DLG2: variants seen among roughly 807,000 people sequenced by gnomAD.
DLG2 encodes the protein discs large MAGUK scaffold protein 2.
Under a neutral mutation model 132.5 loss-of-function variants are expected in DLG2, and 45 were observed. The observed-to-expected ratio is 0.34, with a 90% CI of 0.27 to 0.44. The LOEUF is 0.44. Ranked by LOEUF, DLG2 falls within the 20% of genes least tolerant of loss-of-function variation. DLG2 has a pLI of 1.00. For missense variants in DLG2, 1,045 were observed against 1,196.9 expected, an observed-to-expected ratio of 0.87 and a Z score of 1.87; for synonymous variants, 424 against 419.6, an observed-to-expected ratio of 1.01 and a Z score of -0.13.
At chr11:84,433,732 A>G (rs1409148128) in intron 7 of DLG2, among the ~76,000 whole-genome samples, 1 of 152,224 alleles carries the variant, frequency 6.6e-6, no homozygotes, top group Non-Finnish European at 1.5e-5. Flanking sequence ...CTTTTTGATT[A>G]AAGACATTTT....
At chr11:85,392,912 T>A (rs1431926537) in intron 3 of DLG2, among the ~76,000 whole-genome samples, 2 of 152,132 alleles carry the variant, frequency 1.3e-5, no homozygotes, top group Admixed American at 6.6e-5. Context: ...AGACATTGAC[T>A]TAGGCAAAGA....
intron 7 of DLG2, among the ~76,000 whole-genome samples, chr11:84,516,232 G>C (rs2099272596): frequency 6.6e-6 from 1 of 151,292 alleles, no homozygotes; most frequent in Admixed American, 6.6e-5. Flanking sequence ...AAAGATTAGA[G>C]TAGAAATAAA....
chr11:83,691,463 C>T (rs770618070), intron 18 of DLG2, among the ~76,000 whole-genome samples: 1 of 152,200 alleles, frequency 6.6e-6, no homozygotes, highest in Non-Finnish European at 1.5e-5. Flanking sequence ...CTCAAATACA[C>T]ACTTGGCCCC....
At chr11:84,545,479 C>T in intron 6 of DLG2, 1 of 417,524 alleles carries the variant, frequency 2.4e-6, no homozygotes, top group South Asian at 1.9e-5. Context: ...CAACCACCAC[C>T]AAAGCATCCA....
At chr11:83,976,659 C>T (rs867714779) in intron 12 of DLG2, among the ~76,000 whole-genome samples, 20 of 151,954 alleles carry the variant, frequency 1.3e-4, no homozygotes, top group Admixed American at 2.6e-4. Context: ...GAATCATTTT[C>T]TTTCATTTCC....
intron 6 of DLG2, among the ~76,000 whole-genome samples, chr11:85,019,296 G>A (rs1263747387): frequency 6.6e-6 from 1 of 152,124 alleles, no homozygotes; most frequent in Non-Finnish European, 1.5e-5. Flanking sequence ...GTGAAAATGG[G>A]ACTAGGCGCA....
At chr11:85,374,677 G>T (rs2085263108) in intron 3 of DLG2, among the ~76,000 whole-genome samples, 1 of 152,070 alleles carries the variant, frequency 6.6e-6, no homozygotes, top group South Asian at 2.1e-4. Flanking sequence ...CTTTACTACA[G>T]CAATAAAAGA....
At chr11:83,958,219 G>C (rs1368404748) in intron 14 of DLG2, among the ~76,000 whole-genome samples, 2 of 152,176 alleles carry the variant, frequency 1.3e-5, no homozygotes, top group East Asian at 1.9e-4. Flanking sequence ...TAGTAAGCTA[G>C]TGTTCTATAA....
chr11:85,582,541 A>T lies in DLG2; in HGVS notation c.40+16116T>A, dbSNP rs150851699. On this transcript the variant is annotated intron_variant, in intron 3 of 27. Coordinates refer to ENST00000376104, the MANE Select transcript of DLG2 (RefSeq NM_001142699.3). The stretch of plus-strand genomic sequence containing the variant: ...AAAATCATGTAGAATATTAGTGTCC[A>T]GGCTGGGCACGGTGGCTTATTCCTA... Among the ~76,000 whole-genome samples the T allele has an allele frequency of 5.2e-3, 792 of 151,502 alleles. 6 individuals are homozygous for T. The highest frequency in any genetic ancestry group is 0.018 in the African/African-American group (735 of 41,332).
intron 6 of DLG2, among the ~76,000 whole-genome samples, chr11:84,574,483 T>A (rs1319129926): frequency 6.6e-6 from 1 of 152,172 alleles, no homozygotes; most frequent in Non-Finnish European, 1.5e-5. Flanking sequence ...ATTTCACTAT[T>A]TGGGATCTTG....
At chr11:83,823,323 T>C (rs1275614502) in intron 17 of DLG2, among the ~76,000 whole-genome samples, 1 of 152,130 alleles carries the variant, frequency 6.6e-6, no homozygotes, top group Non-Finnish European at 1.5e-5. Context: ...CTTTGAAACT[T>C]GTATAGGAAG....
At chr11:85,134,016 AAGGGAGAATGAGGGAGAGTG>A (rs2152416875) in intron 5 of DLG2, among the ~76,000 whole-genome samples, 1 of 151,740 alleles carries the variant, frequency 6.6e-6, no homozygotes, top group East Asian at 1.9e-4. Flanking sequence ...AGGGGGTGGG[AAGGGAGAATGAGGGAGAGTG>A]AGGGAGAGTG....
chr11:84,476,707 G>C (rs2099122577), intron 7 of DLG2, among the ~76,000 whole-genome samples: 2 of 152,188 alleles, frequency 1.3e-5, no homozygotes, highest in African/African-American at 4.8e-5. Context: ...TATGTTGTGA[G>C]AAGTCCAGGC....
At chr11:83,818,316 G>GA (rs762562663) in intron 17 of DLG2, among the ~76,000 whole-genome samples, 1 of 152,120 alleles carries the variant, frequency 6.6e-6, no homozygotes, top group African/African-American at 2.4e-5. Flanking sequence ...GTGGCCTGAT[G>GA]AAAAAATCGT....
intron 7 of DLG2, among the ~76,000 whole-genome samples, chr11:84,361,802 T>C (rs915694357): frequency 1.3e-5 from 2 of 152,002 alleles, no homozygotes; most frequent in Non-Finnish European, 2.9e-5. Flanking sequence ...AAGCATATTA[T>C]TGTGAGTTTC....
intron 9 of DLG2, among the ~76,000 whole-genome samples, chr11:84,128,776 G>C (rs867788842): frequency 6.6e-6 from 1 of 151,876 alleles, no homozygotes; most frequent in African/African-American, 2.4e-5. Context: ...TGTGCAGCTG[G>C]GTAAACCAAA....
intron 4 of DLG2, among the ~76,000 whole-genome samples, chr11:85,216,486 G>C (rs776076150): frequency 5.3e-5 from 8 of 152,078 alleles, no homozygotes; most frequent in Admixed American, 6.6e-5. Context: ...TTTGCACCAG[G>C]TTTGTATGCA....
At chr11:85,033,776 A>T (rs2061219977) in intron 6 of DLG2, among the ~76,000 whole-genome samples, 1 of 152,248 alleles carries the variant, frequency 6.6e-6, no homozygotes, top group Non-Finnish European at 1.5e-5. Flanking sequence ...ATACATGGCA[A>T]ATAAGAATGT....
intron 6 of DLG2, among the ~76,000 whole-genome samples, chr11:84,730,359 C>CCT (rs2063014278): frequency 6.6e-6 from 1 of 152,040 alleles, no homozygotes; most frequent in African/African-American, 2.4e-5. Flanking sequence ...TATCAAAATG[C>CCT]TTGGCACATA....
Sources: allele counts gnomAD v4.1 joint callset (sites outside exome capture counted in the v4.1 genomes callset), GRCh38; gene constraint gnomAD v4.1.1; transcripts MANE v1.5; gene names NCBI Gene and HGNC (gene_info 2026-07-23, HGNC 2026-07-21).